CNTNAP2: variants seen among roughly 807,000 people sequenced by gnomAD.
CNTNAP2 encodes contactin-associated protein-like 2.
CNTNAP2 carries 98 observed loss-of-function variants against 155.2 expected under a neutral mutation model. The ratio of observed to expected loss-of-function variants is 0.63; its 90% CI spans 0.54 to 0.75. The LOEUF is 0.75. CNTNAP2 is among the 30% of genes least tolerant of loss of function. The probability of loss-of-function intolerance (pLI) is 0.00; values close to 1 mark genes in which losing one functional copy is unlikely to be tolerated. For synonymous variants in CNTNAP2, 651 were observed against 631.2 expected (o/e 1.03, Z -0.47); for missense variants, 1,727 against 1,688.1 (o/e 1.02, Z -0.40).
intron 9 of CNTNAP2, among the ~76,000 whole-genome samples, chr7:147,322,653 C>G (rs1161192651): frequency 7.0e-6 from 1 of 143,770 alleles, no homozygotes; most frequent in African/African-American, 2.7e-5. Context: ...AGGAATGGTA[C>G]CAGTTCCTCC....
chr7:148,356,059 A>C (rs1798506679), intron 21 of CNTNAP2, among the ~76,000 whole-genome samples: 1 of 152,346 alleles, frequency 6.6e-6, no homozygotes, highest in South Asian at 2.1e-4. Flanking sequence ...CTGTGCACAT[A>C]TGGTTACACA....
At chr7:146,664,188 G>A (rs1439653501) in intron 1 of CNTNAP2, among the ~76,000 whole-genome samples, 3 of 111,180 alleles carry the variant, frequency 2.7e-5, no homozygotes, top group Admixed American at 2.5e-4. Flanking sequence ...TTTTGGCACA[G>A]TCTCACTCTG....
chr7:147,575,065 T>G (rs980789565), intron 12 of CNTNAP2, among the ~76,000 whole-genome samples: 1 of 151,950 alleles, frequency 6.6e-6, no homozygotes, highest in Non-Finnish European at 1.5e-5. Flanking sequence ...TCCAAAATTG[T>G]ATTGCTAGTA....
At chr7:147,042,207 G>A (rs779972197) in intron 3 of CNTNAP2, among the ~76,000 whole-genome samples, 3 of 152,164 alleles carry the variant, frequency 2.0e-5, no homozygotes, top group Admixed American at 1.3e-4. Context: ...GTGGTAGTAC[G>A]CAGCTCATTT....
At chr7:148,209,399 G>T (rs1795506172) in intron 18 of CNTNAP2, among the ~76,000 whole-genome samples, 1 of 149,168 alleles carries the variant, frequency 6.7e-6, no homozygotes, top group Admixed American at 6.7e-5. Context: ...CTTCCAAAGT[G>T]CTGGGATTAC....
chr7:148,173,315 G>A (rs1280781714), intron 18 of CNTNAP2, among the ~76,000 whole-genome samples: 4 of 152,310 alleles, frequency 2.6e-5, no homozygotes, highest in African/African-American at 4.8e-5. Flanking sequence ...CAATTGAAAT[G>A]CATGTAAATC....
At chr7:148,010,547 T>G (rs1031435806) in intron 15 of CNTNAP2, among the ~76,000 whole-genome samples, 2 of 151,926 alleles carry the variant, frequency 1.3e-5, no homozygotes, top group African/African-American at 2.4e-5. Flanking sequence ...AATGGTATAA[T>G]CTAAGGGTTC....
chr7:146,380,960 G>A (rs1795377427), intron 1 of CNTNAP2, among the ~76,000 whole-genome samples: 2 of 150,566 alleles, frequency 1.3e-5, no homozygotes, highest in South Asian at 4.2e-4. Context: ...CACCTCGCCC[G>A]GCTAATTTTT....
intron 13 of CNTNAP2, among the ~76,000 whole-genome samples, chr7:147,890,946 A>G (rs138477495): frequency 6.6e-6 from 1 of 152,326 alleles, no homozygotes; most frequent in Non-Finnish European, 1.5e-5. Flanking sequence ...TACACAAAAA[A>G]TGATAAGTAC....
chr7:147,326,289 T>C (rs978049699), intron 9 of CNTNAP2, among the ~76,000 whole-genome samples: 1 of 152,226 alleles, frequency 6.6e-6, no homozygotes, highest in Non-Finnish European at 1.5e-5. Flanking sequence ...AGTGGAAACA[T>C]ATAATGTTTG....
chr7:146,524,976 C>A (rs749489810), intron 1 of CNTNAP2, among the ~76,000 whole-genome samples: 4 of 151,890 alleles, frequency 2.6e-5, no homozygotes, highest in Non-Finnish European at 4.4e-5. Flanking sequence ...AAAATGAGAG[C>A]CTGCCATAAA....
At chr7:147,705,290 T>C (rs868861256) in intron 13 of CNTNAP2, among the ~76,000 whole-genome samples, 3 of 152,302 alleles carry the variant, frequency 2.0e-5, no homozygotes, top group South Asian at 2.1e-4. Flanking sequence ...ATTTCTTCCT[T>C]AATTTCTTCC....
intron 13 of CNTNAP2, among the ~76,000 whole-genome samples, chr7:147,648,162 T>TAA (rs1554417115): frequency 6.6e-6 from 1 of 152,170 alleles, no homozygotes; most frequent in Non-Finnish European, 1.5e-5. Flanking sequence ...GAGTTGTAAG[T>TAA]AAATTTATAA....
chr7:148,016,561 C>A (rs1790160697), intron 15 of CNTNAP2, among the ~76,000 whole-genome samples: 1 of 152,230 alleles, frequency 6.6e-6, no homozygotes, highest in Non-Finnish European at 1.5e-5. Context: ...AGCAAAATCA[C>A]AGAGCTTCGC....
At chr7:147,924,372 C>G (rs1394924766) in intron 14 of CNTNAP2, among the ~76,000 whole-genome samples, 1 of 152,022 alleles carries the variant, frequency 6.6e-6, no homozygotes, top group Non-Finnish European at 1.5e-5. Flanking sequence ...CTCCTGACCT[C>G]AGGTGATTCG....
intron 1 of CNTNAP2, among the ~76,000 whole-genome samples, chr7:146,735,557 A>G (rs576624496): frequency 1.6e-4 from 25 of 152,284 alleles, no homozygotes; most frequent in African/African-American, 5.8e-4. Context: ...TCTGTCTCAA[A>G]AAAACACCAA....
chr7:147,595,204 A>ATAAATGTTACTCTATCCGAC (rs1800805824), intron 12 of CNTNAP2, among the ~76,000 whole-genome samples: 1 of 152,160 alleles, frequency 6.6e-6, no homozygotes, highest in Non-Finnish European at 1.5e-5. Flanking sequence ...CTCTATTCTT[A>ATAAATGTTACTCTATCCGAC]ATGTGTCACT....
At chr7:148,317,093 C>T (rs1466868902) in intron 21 of CNTNAP2, among the ~76,000 whole-genome samples, 1 of 152,180 alleles carries the variant, frequency 6.6e-6, no homozygotes, top group East Asian at 1.9e-4. Context: ...CAGTGGCTCT[C>T]GCCTGTAATC....
At chr7:146,325,519 C>T (rs1412348254) in intron 1 of CNTNAP2, among the ~76,000 whole-genome samples, 1 of 151,794 alleles carries the variant, frequency 6.6e-6, no homozygotes, top group Non-Finnish European at 1.5e-5. Context: ...TTTTTATAGC[C>T]CCTTGTATAA....
Sources: allele counts gnomAD v4.1 joint callset (sites outside exome capture counted in the v4.1 genomes callset), GRCh38; gene constraint gnomAD v4.1.1; transcripts MANE v1.5; gene names NCBI Gene and HGNC (gene_info 2026-07-23, HGNC 2026-07-21).